The following FTO variants were observed in gnomAD, a reference collection of about 807,000 sequenced individuals.
The protein encoded by FTO is FTO alpha-ketoglutarate dependent dioxygenase, also known as alpha-ketoglutarate-dependent dioxygenase FTO.
Under a neutral mutation model 63.9 loss-of-function variants are expected in FTO, and 47 were observed. That is an observed-to-expected ratio of 0.74 (90% CI 0.58 to 0.94). FTO has a LOEUF of 0.94. Among genes scored for constraint, FTO ranks in the 40% least tolerant of loss-of-function variants. The pLI is 0.00. For missense variants in FTO, 562 were observed against 618.1 expected (o/e 0.91, Z 0.96); for synonymous variants, 207 against 224.4 (o/e 0.92, Z 0.69).
chr16:53,910,509 A>T (rs1490358094), intron 7 of FTO, among the ~76,000 whole-genome samples: 1 of 152,028 alleles, frequency 6.6e-6, no homozygotes, highest in Non-Finnish European at 1.5e-5. Context: ...AATTGGAGGG[A>T]ATTAAAAGGG....
intron 2 of FTO, among the ~76,000 whole-genome samples, chr16:53,815,636 GTTTTTTTTTTTTTTT>G (rs556357629): frequency 1.1e-3 from 106 of 98,124 alleles, no homozygotes; most frequent in East Asian, 3.9e-3. Context: ...TGACTTTCTT[GTTTTTTTTTTTTTTT>G]TTTTTTTTTT....
chr16:53,704,258 C>A (rs184850472), intron 1 of FTO, 29 bp downstream of exon 1: 751 of 1,550,066 alleles, frequency 4.8e-4, no homozygotes, highest in Middle Eastern at 2.2e-3. Context: ...GCCTGGAGAT[C>A]TTCGTGCGCT....
At chr16:53,936,745 T>C (rs1346465002) in intron 8 of FTO, among the ~76,000 whole-genome samples, 1 of 152,190 alleles carries the variant, frequency 6.6e-6, no homozygotes. Context: ...ATAATAGAAA[T>C]TTTTTTCCTC....
chr16:54,059,907 T>G (rs2085530096), intron 8 of FTO, among the ~76,000 whole-genome samples: 1 of 152,072 alleles, frequency 6.6e-6, no homozygotes, highest in African/African-American at 2.4e-5. Context: ...TTTTTTGTTT[T>G]TTGTTTTTTG....
chr16:53,763,107 C>CT (rs1217042112), intron 1 of FTO, among the ~76,000 whole-genome samples: 1 of 152,012 alleles, frequency 6.6e-6, no homozygotes, highest in African/African-American at 2.4e-5. Flanking sequence ...GAAGAAGTGT[C>CT]TAATTATTTA....
intron 4 of FTO, among the ~76,000 whole-genome samples, chr16:53,860,715 G>A (rs892461359): frequency 3.9e-5 from 6 of 152,016 alleles, no homozygotes; most frequent in African/African-American, 4.8e-5. Context: ...ATGAGAAACC[G>A]CCATGATCCA....
chr16:53,937,004 G>A (rs1033411879), intron 8 of FTO, among the ~76,000 whole-genome samples: 21 of 152,190 alleles, frequency 1.4e-4, no homozygotes, highest in Admixed American at 2.0e-4. Context: ...CAGGTCAGGC[G>A]CCAAGCCATT....
intron 8 of FTO, among the ~76,000 whole-genome samples, chr16:53,988,027 A>G (rs144834903): frequency 2.0e-5 from 3 of 152,302 alleles, no homozygotes; most frequent in Non-Finnish European, 2.9e-5. Flanking sequence ...TGTTTTGGGA[A>G]CCATTGCCTC....
At chr16:53,833,939 G>A (rs2079211439) in intron 3 of FTO, among the ~76,000 whole-genome samples, 1 of 151,844 alleles carries the variant, frequency 6.6e-6, no homozygotes, top group Admixed American at 6.6e-5. Context: ...TAGTTGTTGA[G>A]TTTTGTGAGT....
intron 1 of FTO, among the ~76,000 whole-genome samples, chr16:53,738,336 C>G (rs1167549378): frequency 6.6e-6 from 1 of 152,140 alleles, no homozygotes; most frequent in African/African-American, 2.4e-5. Flanking sequence ...GAGATGAGGT[C>G]TGGCTATGTT....
chr16:53,828,653 A>G (rs1459919789), intron 3 of FTO, among the ~76,000 whole-genome samples: 1 of 152,208 alleles, frequency 6.6e-6, no homozygotes, highest in Non-Finnish European at 1.5e-5. Context: ...TCTTCCCAAC[A>G]ATTCAAAGAA....
At chr16:53,981,058 C>T (rs1275568930) in intron 8 of FTO, among the ~76,000 whole-genome samples, 1 of 152,180 alleles carries the variant, frequency 6.6e-6, no homozygotes, top group Non-Finnish European at 1.5e-5. Context: ...GGAACCTTGG[C>T]TCACACCTGT....
intron 3 of FTO, among the ~76,000 whole-genome samples, chr16:53,837,468 C>T (rs143181781): frequency 5.3e-5 from 8 of 152,258 alleles, no homozygotes; most frequent in East Asian, 3.9e-4. Context: ...CATCTGAGAG[C>T]GGCTTCTTGT....
In FTO at chr16:53,871,902, T is replaced by C. The variant is rs1169903003; in HGVS notation, c.896-1884T>C. On this transcript the variant is annotated intron_variant, in intron 4 of 8. Coordinates refer to ENST00000471389, the MANE Select transcript of FTO (RefSeq NM_001080432.3). The stretch of plus-strand genomic sequence containing the variant: ...CCACCATGCCCAGCGAATTTTTGTA[T>C]TTTTAGTAGAGACAGGGTTTCACCA... 2.6e-5 allele frequency among the ~76,000 whole-genome samples: 4 copies of C among 152,162 alleles called. No individual in the cohort carries two copies. The East Asian group carries it at 7.7e-4, about 29-fold the overall frequency.
chr16:53,834,167 G>A (rs2079222630), intron 3 of FTO, among the ~76,000 whole-genome samples: 1 of 152,050 alleles, frequency 6.6e-6, no homozygotes, highest in African/African-American at 2.4e-5. Context: ...TGGGACTACA[G>A]GCGCCCACCA....
chr16:53,823,351 C>T (rs56390114), intron 2 of FTO, among the ~76,000 whole-genome samples: 57,441 of 151,944 alleles, frequency 0.38, 11,314 homozygotes, highest in Middle Eastern at 0.51. Context: ...TAGCTTTGGT[C>T]TCCTTTTGAT....
chr16:53,996,689 C>T (rs1420006415), intron 8 of FTO, among the ~76,000 whole-genome samples: 2 of 152,190 alleles, frequency 1.3e-5, no homozygotes, highest in East Asian at 3.9e-4. Flanking sequence ...ACTCACAGTT[C>T]CACAGGGCTG....
chr16:53,774,171 C>T (rs1202214165), intron 1 of FTO, among the ~76,000 whole-genome samples: 5 of 152,180 alleles, frequency 3.3e-5, no homozygotes, highest in East Asian at 1.9e-4. Flanking sequence ...TTAGCTGGAC[C>T]ACTAACTTAC....
chr16:53,959,288 A>C (rs1246031476), intron 8 of FTO, among the ~76,000 whole-genome samples: 1 of 152,096 alleles, frequency 6.6e-6, no homozygotes, highest in African/African-American at 2.4e-5. Flanking sequence ...CATTAGAATC[A>C]CCTGTGGGCT....
Sources: allele counts gnomAD v4.1 joint callset (sites outside exome capture counted in the v4.1 genomes callset), GRCh38; gene constraint gnomAD v4.1.1; transcripts MANE v1.5; gene names NCBI Gene and HGNC (gene_info 2026-07-23, HGNC 2026-07-21).